MIGA1: variants seen among roughly 807,000 people sequenced by gnomAD.
MIGA1 encodes mitoguardin 1.
In MIGA1, 58 loss-of-function variants were observed where a neutral mutation model predicts 82.0. That is an observed-to-expected ratio of 0.71 (90% CI 0.57 to 0.88). MIGA1 has a LOEUF of 0.88. Ranked by LOEUF, MIGA1 falls within the 40% of genes least tolerant of loss-of-function variation. The pLI, the probability that MIGA1 is intolerant of heterozygous loss-of-function variation, is 0.00. For synonymous variants in MIGA1, 249 were observed against 253.6 expected, an observed-to-expected ratio of 0.98 and a Z score of 0.17; for missense variants, 751 against 749.1, an observed-to-expected ratio of 1.00 and a Z score of -0.03.
intron 7 of MIGA1, among the ~76,000 whole-genome samples, chr1:77,817,482 G>A (rs1683613455): frequency 6.6e-6 from 1 of 152,188 alleles, no homozygotes; most frequent in Non-Finnish European, 1.5e-5. Context: ...CTGCCTACTA[G>A]ACTGATGTGC....
At chr1:77,816,611 T>C (rs777193101) in intron 7 of MIGA1, among the ~76,000 whole-genome samples, 37 of 152,322 alleles carry the variant, frequency 2.4e-4, no homozygotes, top group South Asian at 1.9e-3. Flanking sequence ...TCACCAAACA[T>C]TATTTATTAG....
intron 8 of MIGA1, among the ~76,000 whole-genome samples, chr1:77,857,827 G>A (rs564170384): frequency 6.6e-5 from 9 of 137,082 alleles, no homozygotes; most frequent in South Asian, 4.9e-4. Context: ...GAGTTGTTAT[G>A]CTAGCCAAAA....
At chr1:77,844,113 A>AAAATATATAT (rs1296124524) in intron 8 of MIGA1, among the ~76,000 whole-genome samples, 7 of 90,130 alleles carry the variant, frequency 7.8e-5, no homozygotes, top group East Asian at 3.2e-4. Flanking sequence ...AAAAAAAAAA[A>AAAATATATAT]ATATATATAT....
intron 7 of MIGA1, among the ~76,000 whole-genome samples, chr1:77,829,021 A>G (rs931882727): frequency 1.3e-5 from 2 of 151,958 alleles, no homozygotes; most frequent in African/African-American, 4.8e-5. Context: ...ATTCTTTCCT[A>G]TATGGTTTGT....
chr1:77,861,392 T>G, intron 12 of MIGA1, 70 bp downstream of exon 12: 2 of 962,572 alleles, frequency 2.1e-6, no homozygotes, highest in Non-Finnish European at 3.3e-6. Flanking sequence ...GAGTTGAGAC[T>G]ACTGTTTCAT....
At chr1:77,811,455 T>C in intron 5 of MIGA1, 2 of 1,544,560 alleles carry the variant, frequency 1.3e-6, no homozygotes, top group Non-Finnish European at 1.8e-6. Context: ...GAACATCAAA[T>C]GGGAATTCTT....
chr1:77,819,914 T>C (rs1215677506), intron 7 of MIGA1, among the ~76,000 whole-genome samples: 1 of 152,048 alleles, frequency 6.6e-6, no homozygotes, highest in Non-Finnish European at 1.5e-5. Flanking sequence ...CCATGCTGTA[T>C]TGACTTACCA....
chr1:77,806,728 T>A (rs1267003684), intron 4 of MIGA1, among the ~76,000 whole-genome samples: 1 of 152,220 alleles, frequency 6.6e-6, no homozygotes, highest in African/African-American at 2.4e-5. Flanking sequence ...CTGCCTGATT[T>A]CTGATGGAAA....
chr1:77,874,910 A>G lies in MIGA1; in HGVS notation c.1745A>G (p.Glu582Gly), dbSNP rs757893094. The G allele has an allele frequency of 6.2e-7, 1 of 1,614,166 alleles. No individual in the cohort carries two copies. The highest frequency in any genetic ancestry group is 1.7e-5 in the Admixed American group (1 of 60,016). ...GAGAAGGTGCGCTATTCAAGTACAGAGACTTTAGCTGAAGACCTCATGCAG... is the reference window on the plus strand; with the variant it reads ...GAGAAGGTGCGCTATTCAAGTACAGGGACTTTAGCTGAAGACCTCATGCAG... The change falls in exon 16 of 16, where the codon GAG (glutamate) becomes GGG (glycine). Residue 582 changes from glutamate to glycine, a missense_variant. Physicochemically the swap from Glu to Gly is moderately conservative, Grantham distance 98. Coordinates refer to ENST00000370791, the MANE Select transcript of MIGA1 (RefSeq NM_198549.4).
chr1:77,838,023 A>G (rs1190410122), intron 7 of MIGA1, among the ~76,000 whole-genome samples: 7 of 152,252 alleles, frequency 4.6e-5, no homozygotes, highest in African/African-American at 1.7e-4. Flanking sequence ...TATAGAAAGC[A>G]TTCATTGTCT....
At chr1:77,833,733 G>C (rs1008003711) in intron 7 of MIGA1, among the ~76,000 whole-genome samples, 12 of 152,228 alleles carry the variant, frequency 7.9e-5, no homozygotes, top group South Asian at 2.1e-4. Flanking sequence ...AGAATGACCA[G>C]TTGTACCTCG....
chr1:77,822,388 T>C (rs1683851083), intron 7 of MIGA1, among the ~76,000 whole-genome samples: 3 of 152,254 alleles, frequency 2.0e-5, no homozygotes, highest in South Asian at 4.1e-4. Context: ...TTGGTACCTA[T>C]GCACTCTAGC....
intron 5 of MIGA1, among the ~76,000 whole-genome samples, chr1:77,807,366 T>C (rs1367053812): frequency 6.6e-6 from 1 of 152,144 alleles, no homozygotes; most frequent in Non-Finnish European, 1.5e-5. Flanking sequence ...GGTTTTGTCA[T>C]GTTGCCAGGT....
intron 2 of MIGA1, among the ~76,000 whole-genome samples, chr1:77,784,459 C>T (rs953126568): frequency 2.0e-5 from 3 of 152,232 alleles, no homozygotes; most frequent in African/African-American, 7.2e-5. Flanking sequence ...CTCCTGGCCT[C>T]AAATCATCCT....
chr1:77,815,793 G>A (rs940742601), intron 7 of MIGA1, among the ~76,000 whole-genome samples: 2 of 151,954 alleles, frequency 1.3e-5, no homozygotes, highest in African/African-American at 2.4e-5. Flanking sequence ...GCAGTGACAC[G>A]ATCACAGCTC....
At chr1:77,801,672 C>CA (rs1682890492) in intron 3 of MIGA1, among the ~76,000 whole-genome samples, 164 bp downstream of exon 3, 5 of 152,008 alleles carry the variant, frequency 3.3e-5, no homozygotes, top group Admixed American at 3.3e-4. Context: ...GATAAGCAAA[C>CA]AAAAAATTAA....
intron 14 of MIGA1, chr1:77,868,543 CA>C (rs1219250776): frequency 1.3e-5 from 2 of 152,174 alleles, no homozygotes; most frequent in Admixed American, 6.5e-5. Context: ...TTTCTATATC[CA>C]TAGATACCTA....
Position 77,864,000 on chromosome 1 carries a change from G to T in MIGA1, c.1481G>T (p.Arg494Leu), listed in dbSNP as rs773415600. 3 of 1,606,462 alleles carry T rather than the reference G, an allele frequency of 1.9e-6. No homozygotes were observed. Among genetic ancestry groups the T allele is most frequent in the Non-Finnish European group, 2.5e-6 (3 of 1,178,366 alleles). ...TCCATACAGAATGTAGTAAATAATC[G>T]ATGGCTAAACTCATCCTTCAAAGAA... is the stretch of plus-strand genomic sequence containing the variant. The change falls in exon 13 of 16, where the codon CGA becomes CTA. Residue 494 changes from arginine to leucine, a missense_variant. Coordinates refer to ENST00000370791, the MANE Select transcript of MIGA1 (RefSeq NM_198549.4).
intron 7 of MIGA1, among the ~76,000 whole-genome samples, chr1:77,832,277 G>A (rs567001463): frequency 3.0e-4 from 46 of 152,278 alleles, no homozygotes; most frequent in Non-Finnish European, 5.9e-4. Flanking sequence ...TTTACAGAAT[G>A]AGCTCACAGA....
Sources: gnomAD v4.1 joint callset for allele counts (sites outside exome capture counted in the v4.1 genomes callset) on GRCh38, gnomAD v4.1.1 for gene constraint, MANE v1.5 for transcripts, NCBI Gene and HGNC (gene_info 2026-07-23, HGNC 2026-07-21) for gene names.